The following CACNA1A variants were observed in gnomAD, a reference collection of about 807,000 sequenced individuals.
CACNA1A encodes the protein calcium voltage-gated channel subunit alpha1 A, also known as voltage-dependent P/Q-type calcium channel subunit alpha-1A.
A neutral mutation model predicts 262.4 loss-of-function variants in CACNA1A; 57 were observed. The ratio of observed to expected loss-of-function variants is 0.22; its 90% confidence interval spans 0.18 to 0.27. The LOEUF (loss-of-function observed/expected upper bound fraction) is 0.27. Among genes scored for constraint, CACNA1A ranks in the 10% least tolerant of loss-of-function variants. The pLI is 1.00. For missense variants in CACNA1A, 2,526 were observed against 3,562.8 expected, an observed-to-expected ratio of 0.71 and a Z score of 7.41; for synonymous variants, 1,431 against 1,419.3, an observed-to-expected ratio of 1.01 and a Z score of -0.18.
intron 3 of CACNA1A, among the ~76,000 whole-genome samples, chr19:13,447,923 C>T (rs951439286): frequency 3.9e-5 from 6 of 152,048 alleles, no homozygotes; most frequent in African/African-American, 9.7e-5. Flanking sequence ...CCTAGTTCAC[C>T]GGCTCAAATG....
intron 24 of CACNA1A, among the ~76,000 whole-genome samples, chr19:13,269,746 G>A (rs761382161): frequency 1.2e-4 from 19 of 152,172 alleles, no homozygotes; most frequent in African/African-American, 3.1e-4. Context: ...GTAGACGCAT[G>A]GATACAAGGG....
intron 1 of CACNA1A, among the ~76,000 whole-genome samples, chr19:13,483,085 C>A (rs1310092281): frequency 6.6e-6 from 1 of 152,028 alleles, no homozygotes; most frequent in African/African-American, 2.4e-5. Context: ...GATGAAATTC[C>A]AGTCCACAGA....
chr19:13,293,522 T>C (rs1206222579), intron 19 of CACNA1A, among the ~76,000 whole-genome samples: 2 of 140,540 alleles, frequency 1.4e-5, no homozygotes, highest in Admixed American at 1.6e-4. Context: ...CTCGGCTCAC[T>C]GCAAGCTCCG....
chr19:13,212,307 G>A lies in CACNA1A; in HGVS notation c.6189+77C>T. Reference sequence around the variant, plus strand: ...GAGGGAGGGAGCTGCAGGTGTGTGTGTGTGGGGGGCCCAGATCCCTTCCAC... The same window carrying A: ...GAGGGAGGGAGCTGCAGGTGTGTGTATGTGGGGGGCCCAGATCCCTTCCAC... On this transcript the variant is annotated intron_variant, in intron 42 of 46. Coordinates refer to ENST00000360228, the MANE Select transcript of CACNA1A (RefSeq NM_001127222.2). This position sits in a 1 kb window ranked among gnomAD's most constrained non-coding sequence, Gnocchi z 5.6. The A allele has an allele frequency of 6.4e-7, 1 of 1,568,004 alleles. No individual in the cohort carries two copies.
At chr19:13,269,809 G>A (rs2056969914) in intron 24 of CACNA1A, among the ~76,000 whole-genome samples, 1 of 152,176 alleles carries the variant, frequency 6.6e-6, no homozygotes. Flanking sequence ...TGGGTGAGGT[G>A]CAGGAGGGGT....
At chr19:13,468,261 C>T (rs1455411857) in intron 1 of CACNA1A, among the ~76,000 whole-genome samples, 1 of 151,862 alleles carries the variant, frequency 6.6e-6, no homozygotes, top group Non-Finnish European at 1.5e-5. Flanking sequence ...AACTGAAGAC[C>T]TTCTCCCTGT....
intron 22 of CACNA1A, among the ~76,000 whole-genome samples, chr19:13,280,063 C>G (rs2057253074): frequency 6.6e-6 from 1 of 152,174 alleles, no homozygotes; most frequent in African/African-American, 2.4e-5. Flanking sequence ...CCCGCCTTGG[C>G]CTCCCAAAGG....
At chr19:13,344,984 C>A (rs1053589731) in intron 6 of CACNA1A, among the ~76,000 whole-genome samples, 1 of 152,006 alleles carries the variant, frequency 6.6e-6, no homozygotes, top group Non-Finnish European at 1.5e-5. Flanking sequence ...GTCTTGAACT[C>A]CTGGGCTCAA....
At chr19:13,485,194 A>T (rs1979827754) in intron 1 of CACNA1A, among the ~76,000 whole-genome samples, 1 of 152,218 alleles carries the variant, frequency 6.6e-6, no homozygotes, top group Non-Finnish European at 1.5e-5. Context: ...TTATGGAATA[A>T]AAAGGAAATT....
At chr19:13,478,545 G>A (rs1471653760) in intron 1 of CACNA1A, among the ~76,000 whole-genome samples, 1 of 152,010 alleles carries the variant, frequency 6.6e-6, no homozygotes, top group Non-Finnish European at 1.5e-5. Flanking sequence ...TTGAACTCCT[G>A]GCCTCCAGCG....
chr19:13,255,671 T>C lies in CACNA1A; in HGVS notation c.4591-412A>G, dbSNP rs767706433. Among the ~76,000 whole-genome samples the C allele has an allele frequency of 6.8e-4, 93 of 137,364 alleles. No individual in the cohort carries two copies. The Middle Eastern group carries it at 0.038, about 57-fold the overall frequency. The allele number at this position is 137,364 out of a possible 152,430, so 90.1% of individuals were successfully genotyped here. On this transcript the variant is annotated intron_variant, in intron 28 of 46. Transcript: ENST00000360228. ...TTCTTCCCCTTCCTCCCTCCCTCGCTCCCTCCCTCCTTCCTTCCTTCCTCC... is the reference window on the plus strand; with the variant it reads ...TTCTTCCCCTTCCTCCCTCCCTCGCCCCCTCCCTCCTTCCTTCCTTCCTCC...
At chr19:13,409,187 A>C (rs1422498807) in intron 3 of CACNA1A, among the ~76,000 whole-genome samples, 2 of 152,086 alleles carry the variant, frequency 1.3e-5, no homozygotes, top group African/African-American at 4.8e-5. Context: ...CGAATGATGG[A>C]GTATTGGCCG....
chr19:13,485,831 A>G, intron 1 of CACNA1A, among the ~76,000 whole-genome samples: 1 of 152,234 alleles, frequency 6.6e-6, no homozygotes, highest in East Asian at 1.9e-4. Context: ...GTGAAAATGT[A>G]CAAATCTTAG....
At chr19:13,226,367 G>A (rs1440622751) in intron 37 of CACNA1A, 2 of 151,978 alleles carry the variant, frequency 1.3e-5, no homozygotes, top group East Asian at 3.9e-4. Flanking sequence ...TGAGAAGGAG[G>A]GGAGACATAT....
At chr19:13,425,434 A>G (rs2060385024) in intron 3 of CACNA1A, among the ~76,000 whole-genome samples, 3 of 151,814 alleles carry the variant, frequency 2.0e-5, no homozygotes, top group Non-Finnish European at 4.4e-5. Context: ...GAGACACACC[A>G]CTCCCCAAGT....
chr19:13,396,456 C>T (rs920675053), intron 3 of CACNA1A, among the ~76,000 whole-genome samples: 3 of 152,126 alleles, frequency 2.0e-5, no homozygotes, highest in Non-Finnish European at 4.4e-5. Flanking sequence ...ACCACAGCTG[C>T]GCCGGCCCCT....
At chr19:13,480,795 A>G (rs1462246275) in intron 1 of CACNA1A, among the ~76,000 whole-genome samples, 1 of 152,250 alleles carries the variant, frequency 6.6e-6, no homozygotes, top group African/African-American at 2.4e-5. Context: ...TAATTACATA[A>G]CATAAAATGG....
At chr19:13,473,034 C>T (rs1265042187) in intron 1 of CACNA1A, among the ~76,000 whole-genome samples, 3 of 152,088 alleles carry the variant, frequency 2.0e-5, no homozygotes, top group African/African-American at 7.2e-5. Flanking sequence ...GGGAGGATCA[C>T]TTGAGCCCAG....
At chr19:13,243,189 G>A (rs1291623622) in intron 31 of CACNA1A, among the ~76,000 whole-genome samples, 1 of 152,222 alleles carries the variant, frequency 6.6e-6, no homozygotes, top group Non-Finnish European at 1.5e-5. Context: ...AGGGGAGAAT[G>A]ACCAGGTGGG....
Sources: allele counts gnomAD v4.1 joint callset (sites outside exome capture counted in the v4.1 genomes callset), GRCh38; gene constraint gnomAD v4.1.1; non-coding constraint Gnocchi (gnomAD v3.1); transcripts MANE v1.5; gene names NCBI Gene and HGNC (gene_info 2026-07-23, HGNC 2026-07-21).